The following TAFA5 variants were observed in gnomAD, a reference collection of about 807,000 sequenced individuals.
TAFA5 encodes the protein TAFA chemokine like family member 5.
In TAFA5, 6 loss-of-function variants were observed where a neutral mutation model predicts 15.3. The ratio of observed to expected loss-of-function variants is 0.39; its 90% CI spans 0.21 to 0.77. TAFA5 has a LOEUF of 0.77. TAFA5 is among the 30% of genes least tolerant of loss of function. The probability of loss-of-function intolerance (pLI) is 0.41; values close to 1 mark genes in which losing one functional copy is unlikely to be tolerated. For synonymous variants in TAFA5, 103 were observed against 80.7 expected (o/e 1.28, Z -1.48); for missense variants, 161 against 193.1 (o/e 0.83, Z 0.98).
At chr22:48,549,327 C>T (rs1326892758) in intron 1 of TAFA5, among the ~76,000 whole-genome samples, 7 of 152,184 alleles carry the variant, frequency 4.6e-5, no homozygotes, top group Admixed American at 1.3e-4. Context: ...AATAAATGCC[C>T]GGAACAATAT....
chr22:48,541,192 A>G (rs1333785613), intron 1 of TAFA5, among the ~76,000 whole-genome samples: 2 of 152,058 alleles, frequency 1.3e-5, no homozygotes, highest in Non-Finnish European at 2.9e-5. Context: ...GCGTTTGTAC[A>G]GGGCCTTGGA....
chr22:48,677,190 G>A (rs1032617447), intron 2 of TAFA5, among the ~76,000 whole-genome samples: 4 of 152,264 alleles, frequency 2.6e-5, no homozygotes, highest in Admixed American at 2.0e-4. Context: ...CTGAGTGCCC[G>A]TCGGGGATGC....
At chr22:48,535,039 G>A (rs1282515601) in intron 1 of TAFA5, among the ~76,000 whole-genome samples, 4 of 152,070 alleles carry the variant, frequency 2.6e-5, no homozygotes, top group Non-Finnish European at 5.9e-5. Flanking sequence ...GGAACATTCC[G>A]GAACATCACC....
chr22:48,514,455 G>C (rs983487814), intron 1 of TAFA5, among the ~76,000 whole-genome samples: 2 of 152,230 alleles, frequency 1.3e-5, no homozygotes, highest in African/African-American at 4.8e-5. Context: ...TTGAGTCTCA[G>C]CTCTCTCTGT....
chr22:48,679,771 C>T (rs140990336), intron 2 of TAFA5, among the ~76,000 whole-genome samples: 4 of 140,244 alleles, frequency 2.9e-5, no homozygotes, highest in African/African-American at 9.3e-5. Context: ...CCATCCCTCT[C>T]CCGGCTCCCT....
intron 2 of TAFA5, among the ~76,000 whole-genome samples, chr22:48,669,602 C>T (rs117498633): frequency 7.2e-5 from 11 of 152,334 alleles, no homozygotes; most frequent in Middle Eastern, 3.4e-3. Flanking sequence ...GGAATAATGA[C>T]GAGAGGATGC....
At chr22:48,649,175 C>A (rs1926968908) in intron 2 of TAFA5, among the ~76,000 whole-genome samples, 1 of 152,248 alleles carries the variant, frequency 6.6e-6, no homozygotes, top group African/African-American at 2.4e-5. Context: ...CCGTGCAGCT[C>A]TCCTGGTCAC....
chr22:48,527,579 T>A (rs1601849100), intron 1 of TAFA5, among the ~76,000 whole-genome samples: 1 of 152,208 alleles, frequency 6.6e-6, no homozygotes, highest in East Asian at 1.9e-4. Context: ...CAGGCCAGGT[T>A]CTGACTTCCA....
chr22:48,737,820 G>T (rs574266872), intron 3 of TAFA5, among the ~76,000 whole-genome samples: 1 of 152,344 alleles, frequency 6.6e-6, no homozygotes, highest in South Asian at 2.1e-4. Context: ...TGTGGCCAGG[G>T]AGGGCGGCTT....
At chr22:48,531,037 G>A (rs1921953040) in intron 1 of TAFA5, among the ~76,000 whole-genome samples, 1 of 152,084 alleles carries the variant, frequency 6.6e-6, no homozygotes, top group Admixed American at 6.5e-5. Flanking sequence ...GCTGGTCATG[G>A]GTGTGTGGAC....
chr22:48,492,774 G>T (rs1404991922), intron 1 of TAFA5, among the ~76,000 whole-genome samples: 1 of 152,178 alleles, frequency 6.6e-6, no homozygotes, highest in African/African-American at 2.4e-5. Flanking sequence ...TGCCCATGAG[G>T]GTTGTTGGAT....
At chr22:48,735,434 G>A (rs910423871) in intron 3 of TAFA5, among the ~76,000 whole-genome samples, 2 of 152,312 alleles carry the variant, frequency 1.3e-5, no homozygotes, top group African/African-American at 4.8e-5. Context: ...CCCAAAATAC[G>A]AAATGGAAGC....
intron 1 of TAFA5, among the ~76,000 whole-genome samples, chr22:48,605,247 T>G (rs1458928725): frequency 2.2e-5 from 3 of 138,872 alleles, no homozygotes; most frequent in African/African-American, 8.0e-5. Flanking sequence ...ATGGTGATGA[T>G]GGTGATGAGG....
intron 2 of TAFA5, among the ~76,000 whole-genome samples, chr22:48,657,327 C>A (rs1927285571): frequency 6.6e-6 from 1 of 152,092 alleles, no homozygotes. Flanking sequence ...AGAACTAACT[C>A]TAGAGGAAAC....
chr22:48,692,065 C>G (rs28670137), intron 2 of TAFA5, among the ~76,000 whole-genome samples: 10,963 of 151,208 alleles, frequency 0.073, 968 homozygotes, highest in African/African-American at 0.2. Flanking sequence ...GTTTACTCCT[C>G]CCTGAACCTG....
At chr22:48,703,369 G>A (rs953664218) in intron 2 of TAFA5, among the ~76,000 whole-genome samples, 2 of 152,190 alleles carry the variant, frequency 1.3e-5, no homozygotes, top group African/African-American at 2.4e-5. Context: ...GAGCACCACC[G>A]TGCATAGTAC....
At chr22:48,495,767 T>TC (rs1365206088) in intron 1 of TAFA5, among the ~76,000 whole-genome samples, 6 of 152,144 alleles carry the variant, frequency 3.9e-5, no homozygotes, top group African/African-American at 1.4e-4. Flanking sequence ...AACCATAACT[T>TC]CCCTTGGAAG....
intron 2 of TAFA5, among the ~76,000 whole-genome samples, chr22:48,666,024 C>G (rs1927597055): frequency 7.4e-6 from 1 of 135,358 alleles, no homozygotes. Flanking sequence ...TGGCCTGGCT[C>G]CAGGAGGGTG....
intron 1 of TAFA5, among the ~76,000 whole-genome samples, chr22:48,533,773 T>A (rs1338531223): frequency 4.8e-5 from 3 of 62,784 alleles, no homozygotes; most frequent in Non-Finnish European, 1.2e-4. Flanking sequence ...CCCCAAACCT[T>A]TTTTTTTCCT....
Sources: allele counts gnomAD v4.1 joint callset (sites outside exome capture counted in the v4.1 genomes callset), GRCh38; gene constraint gnomAD v4.1.1; transcripts MANE v1.5; gene names NCBI Gene and HGNC (gene_info 2026-07-23, HGNC 2026-07-21).